PTPRR: variants seen among roughly 807,000 people sequenced by gnomAD.
The protein encoded by PTPRR is receptor-type tyrosine-protein phosphatase R.
In PTPRR, 38 loss-of-function variants were observed where a neutral mutation model predicts 77.2. The ratio of observed to expected loss-of-function variants is 0.49; its 90% CI spans 0.38 to 0.65. The LOEUF is 0.65. Among genes scored for constraint, PTPRR ranks in the 30% least tolerant of loss-of-function variants. The pLI, the probability that PTPRR is intolerant of heterozygous loss-of-function variation, is 0.00. For missense variants in PTPRR, 744 were observed against 799.2 expected (o/e 0.93, Z 0.83); for synonymous variants, 299 against 283.1 (o/e 1.06, Z -0.57).
intron 1 of PTPRR, among the ~76,000 whole-genome samples, chr12:70,911,275 T>C (rs1050359263): frequency 5.9e-5 from 9 of 152,102 alleles, no homozygotes; most frequent in African/African-American, 2.2e-4. Context: ...AATAGGATAG[T>C]ATCAGTTGGT....
At chr12:70,877,960 T>C (rs1335846915) in intron 2 of PTPRR, among the ~76,000 whole-genome samples, 3 of 152,102 alleles carry the variant, frequency 2.0e-5, no homozygotes, top group African/African-American at 7.2e-5. Flanking sequence ...TCTACAACTA[T>C]CTGATCTTTG....
chr12:70,701,082 G>A (rs1020253721), intron 7 of PTPRR, 55 bp downstream of exon 7: 3 of 1,577,078 alleles, frequency 1.9e-6, no homozygotes, highest in Non-Finnish European at 2.6e-6. Flanking sequence ...TACGTCTCTA[G>A]TGCCCCATGT....
intron 2 of PTPRR, among the ~76,000 whole-genome samples, chr12:70,810,953 C>T (rs1407569554): frequency 6.6e-6 from 1 of 152,084 alleles, no homozygotes; most frequent in Non-Finnish European, 1.5e-5. Context: ...TGATTATTCT[C>T]CTAAAGAGAA....
chr12:70,744,314 T>A (rs1403410385), intron 6 of PTPRR, among the ~76,000 whole-genome samples: 1 of 152,204 alleles, frequency 6.6e-6, no homozygotes, highest in Non-Finnish European at 1.5e-5. Context: ...CCATTTTCTC[T>A]ACCTTTCCAC....
Position 70,764,722 on chromosome 12 carries a change from T to G in PTPRR, c.414A>C (p.Gln138His). Residue 138 changes from glutamine (Q) to histidine (H), a missense_variant, in exon 3 of 14, where the codon CAA becomes CAC. This residue lies in a region of PTPRR where 570 missense variants were observed against 573.2 expected (regional missense o/e 0.99). Coordinates refer to ENST00000283228, the MANE Select transcript of PTPRR (RefSeq NM_002849.4). ...AGAGTCCTAAAGCTGCAGCCACTCC[T>G]TGGCGGAAGATCCGAAGCAAGGTTA... Reference protein sequence around the residue: ...LNITLLRIFRQGVAAALGLLP... With the variant: ...LNITLLRIFRHGVAAALGLLP... 1 of 1,614,196 alleles carries G rather than the reference T, an allele frequency of 6.2e-7. No homozygotes were observed. The highest frequency in any genetic ancestry group is 8.5e-7 in the Non-Finnish European group (1 of 1,180,026).
At chr12:70,683,562 C>A (rs940247372) in intron 10 of PTPRR, among the ~76,000 whole-genome samples, 1 of 152,146 alleles carries the variant, frequency 6.6e-6, no homozygotes, top group African/African-American at 2.4e-5. Context: ...TAAATGTAAT[C>A]TGCAATTCCC....
chr12:70,729,066 T>C (rs1889558941), intron 6 of PTPRR, among the ~76,000 whole-genome samples: 1 of 152,138 alleles, frequency 6.6e-6, no homozygotes, highest in South Asian at 2.1e-4. Context: ...TATGGGAACA[T>C]CCTTGCGACC....
intron 2 of PTPRR, among the ~76,000 whole-genome samples, chr12:70,834,915 G>A (rs983963585): frequency 2.0e-5 from 3 of 152,090 alleles, no homozygotes; most frequent in Non-Finnish European, 4.4e-5. Context: ...ATATGTCTAC[G>A]ATTAGTTGTG....
At chr12:70,889,021 T>C (rs187546415) in intron 2 of PTPRR, among the ~76,000 whole-genome samples, 23 of 152,332 alleles carry the variant, frequency 1.5e-4, no homozygotes, top group African/African-American at 5.1e-4. Context: ...TAAATGCTGA[T>C]TGAACCATAT....
intron 2 of PTPRR, among the ~76,000 whole-genome samples, chr12:70,817,189 C>T (rs1891917979): frequency 6.6e-6 from 1 of 152,150 alleles, no homozygotes; most frequent in Non-Finnish European, 1.5e-5. Context: ...AAGTTTGATA[C>T]ATGGCAGCCC....
chr12:70,717,635 T>C (rs948517492), intron 6 of PTPRR, among the ~76,000 whole-genome samples: 25 of 152,302 alleles, frequency 1.6e-4, no homozygotes, highest in African/African-American at 5.3e-4. Flanking sequence ...ACAAAGTCAA[T>C]ACAAGACACA....
Position 70,804,139 on chromosome 12 carries a change from C to CTGTGTGTGCGTGTGTG in PTPRR, c.358-39362_358-39361insCACACACGCACACACA, listed in dbSNP as rs1891666121. ...TGTCTTGTTTCACCTGTTCCTGGCT[C>CTGTGTGTGCGTGTGTG]TGTGTGTGTGTGTGTGTGTGTGTGT... is the stretch of plus-strand genomic sequence containing the variant. On this transcript the variant is annotated intron_variant, in intron 2 of 13. Coordinates refer to ENST00000283228, the MANE Select transcript of PTPRR (RefSeq NM_002849.4). 2.9e-5 allele frequency among the ~76,000 whole-genome samples: 4 copies of CTGTGTGTGCGTGTGTG among 137,252 alleles called. No homozygotes were observed. The Admixed American group carries it at 2.9e-4, about 10-fold the overall frequency. The allele number at this position is 137,252 out of a possible 152,430, so 90.0% of individuals were successfully genotyped here.
chr12:70,759,697 A>AC (rs1890646331), intron 4 of PTPRR, among the ~76,000 whole-genome samples: 2 of 150,090 alleles, frequency 1.3e-5, no homozygotes, highest in African/African-American at 4.9e-5. Flanking sequence ...AAAAAAAAAA[A>AC]AAAAAAAAAC....
chr12:70,895,988 G>T (rs897850007), intron 1 of PTPRR, among the ~76,000 whole-genome samples: 1 of 151,504 alleles, frequency 6.6e-6, no homozygotes, highest in Non-Finnish European at 1.5e-5. Flanking sequence ...GTGTAGAAGC[G>T]CAAGAAACTC....
intron 1 of PTPRR, among the ~76,000 whole-genome samples, chr12:70,917,939 C>T (rs1329449076): frequency 1.3e-5 from 2 of 152,184 alleles, no homozygotes; most frequent in African/African-American, 4.8e-5. Context: ...ATTAGCTTTA[C>T]AGTTAAAGAG....
chr12:70,805,453 A>C (rs1026002411), intron 2 of PTPRR, among the ~76,000 whole-genome samples: 6 of 152,014 alleles, frequency 3.9e-5, no homozygotes, highest in African/African-American at 1.2e-4. Context: ...TCCTGGGCTT[A>C]AGCGATCCTC....
intron 2 of PTPRR, among the ~76,000 whole-genome samples, chr12:70,868,083 C>T (rs1592803203): frequency 2.0e-5 from 3 of 151,958 alleles, no homozygotes; most frequent in African/African-American, 7.3e-5. Context: ...CCATAAAAAC[C>T]CTAGACGAAA....
chr12:70,662,355 G>T, intron 11 of PTPRR, 140 bp downstream of exon 11: 1 of 509,602 alleles, frequency 2.0e-6, no homozygotes, highest in Non-Finnish European at 3.4e-6. Flanking sequence ...ATACATGAGG[G>T]AATGATTATA....
intron 2 of PTPRR, among the ~76,000 whole-genome samples, chr12:70,776,977 A>C (rs1056908266): frequency 1.3e-5 from 2 of 152,182 alleles, no homozygotes; most frequent in Non-Finnish European, 2.9e-5. Context: ...TAATCCGCAG[A>C]AATAATCCTG....
Sources: gnomAD v4.1 joint callset for allele counts (sites outside exome capture counted in the v4.1 genomes callset) on GRCh38, gnomAD v4.1.1 for gene constraint, gnomAD v4.1.1 regional missense constraint, MANE v1.5 for transcripts, NCBI Gene and HGNC (gene_info 2026-07-23, HGNC 2026-07-21) for gene names.